XPO4: variants seen among roughly 807,000 people sequenced by gnomAD.
XPO4 encodes exportin 4, also known as exportin-4.
A neutral mutation model predicts 143.0 loss-of-function variants in XPO4; 39 were observed. The observed-to-expected ratio is 0.27, with a 90% CI of 0.21 to 0.36. The LOEUF (loss-of-function observed/expected upper bound fraction) is 0.36. Among genes scored for constraint, XPO4 ranks in the 10% least tolerant of loss-of-function variants. The pLI is 1.00. For missense variants in XPO4, 907 were observed against 1,348.0 expected, an observed-to-expected ratio of 0.67 and a Z score of 5.12; for synonymous variants, 439 against 474.0, an observed-to-expected ratio of 0.93 and a Z score of 0.96.
At chr13:20,852,900 G>A (rs567777869) in intron 4 of XPO4, 1 of 985,294 alleles carries the variant, frequency 1.0e-6, no homozygotes, top group African/African-American at 1.7e-5. Context: ...TAACCACAGT[G>A]GGATTACCAC....
At chr13:20,791,164 C>T (rs2059275589) in intron 18 of XPO4, among the ~76,000 whole-genome samples, 1 of 151,838 alleles carries the variant, frequency 6.6e-6, no homozygotes, top group Non-Finnish European at 1.5e-5. Flanking sequence ...GATAAATTAA[C>T]ATCTCTAAAC....
At chr13:20,788,158 C>T (rs184247987) in intron 20 of XPO4, among the ~76,000 whole-genome samples, 3 of 151,344 alleles carry the variant, frequency 2.0e-5, no homozygotes, top group Non-Finnish European at 2.9e-5. Flanking sequence ...CGGGTTCAAG[C>T]GATACTCCTG....
chr13:20,858,564 T>G (rs1414113984), intron 3 of XPO4, among the ~76,000 whole-genome samples: 4 of 151,644 alleles, frequency 2.6e-5, no homozygotes, highest in African/African-American at 9.7e-5. Flanking sequence ...TTAAAAAAAA[T>G]GTTTGAGATA....
chr13:20,800,266 A>G lies in XPO4; in HGVS notation c.2037T>C (p.Ile679=). 3 of 1,614,170 alleles carry G rather than the reference A, an allele frequency of 1.9e-6. No homozygotes were observed. In the South Asian group the frequency reaches 3.3e-5, roughly 18 times the overall value. ...GADTEGSQWI[I]GYLLQKVISN... ...TGATGACTTTTTGTAAGAGGTAGCC[A>G]ATTATCCACTGAGAACCCTCTGTAT... The change falls in exon 15 of 23, where the codon ATT becomes ATC. Residue 679 remains isoleucine (I), a synonymous_variant. Transcript: ENST00000255305.
chr13:20,879,110 CAT>C, intron 1 of XPO4: 1 of 985,388 alleles, frequency 1.0e-6, no homozygotes, highest in African/African-American at 1.7e-5. Flanking sequence ...ACCCTGGAGA[CAT>C]GTGCCAACCT....
chr13:20,824,359 CAG>C (rs1488775252), intron 7 of XPO4, among the ~76,000 whole-genome samples: 3 of 152,126 alleles, frequency 2.0e-5, no homozygotes, highest in Non-Finnish European at 4.4e-5. Context: ...ATTCTGTCAA[CAG>C]ATAGAATGTA....
At chr13:20,786,902 T>A (rs2059213506) in intron 22 of XPO4, 63 bp downstream of exon 22, 1 of 1,374,592 alleles carries the variant, frequency 7.3e-7, no homozygotes, top group African/African-American at 1.5e-5. Context: ...CCACCATCTA[T>A]CTCAACAATC....
At chr13:20,830,665 AT>A (rs1470327846) in intron 6 of XPO4, among the ~76,000 whole-genome samples, 66 of 152,338 alleles carry the variant, frequency 4.3e-4, no homozygotes, top group Admixed American at 3.7e-3. Context: ...GAACAGTATA[AT>A]AAACGTTTAT....
chr13:20,797,113 C>T (rs1440742095), intron 16 of XPO4, 56 bp from the exon 17 acceptor site: 23 of 1,477,776 alleles, frequency 1.6e-5, no homozygotes, highest in Non-Finnish European at 1.9e-5. Flanking sequence ...TTTATTTCCT[C>T]TGCTTGGATA....
chr13:20,801,271 G>T (rs2059429269), intron 13 of XPO4, among the ~76,000 whole-genome samples: 1 of 152,162 alleles, frequency 6.6e-6, no homozygotes, highest in Non-Finnish European at 1.5e-5. Context: ...TAGCTAAAGA[G>T]AATTTTCAGA....
At chr13:20,814,002 T>C (rs1305007163) in intron 9 of XPO4, among the ~76,000 whole-genome samples, 1 of 151,698 alleles carries the variant, frequency 6.6e-6, no homozygotes, top group East Asian at 1.9e-4. Context: ...AGCCAGGCAC[T>C]GGAATATGGA....
intron 4 of XPO4, chr13:20,849,912 C>A: frequency 1.4e-6 from 1 of 697,404 alleles, no homozygotes; most frequent in Non-Finnish European, 1.8e-6. Context: ...TCGAAACCAG[C>A]CTGGCCAACA....
At position 20,779,862 on chromosome 13, in the gene XPO4, C is replaced by T. The variant is rs1345014420; in HGVS notation, c.*3860G>A. The T allele has an allele frequency of 6.6e-6, 1 of 152,626 alleles. No individual in the cohort carries two copies. Among genetic ancestry groups the T allele is most frequent in the Non-Finnish European group, 1.5e-5 (1 of 68,042 alleles). The allele number at this position is 152,626 out of a possible 1,614,324, so 9.5% of individuals were successfully genotyped here. A position where few individuals can be genotyped will look rare whatever the true frequency, so the allele number is the denominator to read the frequency against. ...AAATGAAAATATGCTTAAAATTCAA[C>T]TGGAACCATGGCATTTCACATCAAT... On this transcript the variant is annotated 3_prime_UTR_variant, in exon 23 of 23. Transcript: ENST00000255305.
chr13:20,788,014 C>G (rs1595050913), intron 20 of XPO4, among the ~76,000 whole-genome samples: 1 of 151,216 alleles, frequency 6.6e-6, no homozygotes, highest in African/African-American at 2.4e-5. Flanking sequence ...GAAAGAAACA[C>G]AGAAATAGAG....
chr13:20,801,329 A>G (rs1315705568), intron 13 of XPO4, among the ~76,000 whole-genome samples: 1 of 152,234 alleles, frequency 6.6e-6, no homozygotes, highest in Admixed American at 6.5e-5. Context: ...TTAAATCTTC[A>G]GAGTACATGC....
At chr13:20,789,340 A>G (rs1209280664) in intron 19 of XPO4, among the ~76,000 whole-genome samples, 1 of 152,086 alleles carries the variant, frequency 6.6e-6, no homozygotes, top group African/African-American at 2.4e-5. Context: ...CTGGCAATCA[A>G]ACAGGACTCA....
chr13:20,849,895 C>T, intron 4 of XPO4: 1 of 807,188 alleles, frequency 1.2e-6, no homozygotes. Flanking sequence ...CACTTGAGGT[C>T]AGGAGTTCGA....
rs762944314 is a variant in XPO4 at position 20,800,853 on chromosome 13, A to C, written c.1955T>G (p.Val652Gly). The change falls in exon 14 of 23, where the codon GTG (valine) becomes GGG (glycine). Residue 652 changes from valine (V) to glycine (G), a missense_variant. Transcript: ENST00000255305. The part of the protein sequence containing the change: ...LKRWAKTYLL[V>G]DEKLYDQISL... Reference sequence around the variant, plus strand: ...GACCTGATCATACAGTTTTTCATCCACCAGGAGATAAGTCTTTGCCCAGCG... The same window carrying C: ...GACCTGATCATACAGTTTTTCATCCCCCAGGAGATAAGTCTTTGCCCAGCG... The C allele has an allele frequency of 6.2e-7, 1 of 1,613,918 alleles. No individual in the cohort carries two copies. Among genetic ancestry groups the C allele is most frequent in the Middle Eastern group, 1.7e-4 (1 of 6,058 alleles).
chr13:20,890,943 T>A (rs758604432), intron 1 of XPO4, among the ~76,000 whole-genome samples: 8 of 150,156 alleles, frequency 5.3e-5, no homozygotes, highest in Non-Finnish European at 1.2e-4. Context: ...AGAAACCCCG[T>A]CTCTACTAAA....
Sources: gnomAD v4.1 joint callset for allele counts (sites outside exome capture counted in the v4.1 genomes callset) on GRCh38, gnomAD v4.1.1 for gene constraint, MANE v1.5 for transcripts, NCBI Gene and HGNC (gene_info 2026-07-23, HGNC 2026-07-21) for gene names.